Variants in CNTNAP2 observed in about 807,000 individuals in gnomAD.
CNTNAP2 encodes contactin associated protein 2.
A neutral mutation model predicts 155.2 loss-of-function variants in CNTNAP2; 98 were observed. The observed-to-expected ratio is 0.63, with a 90% CI of 0.54 to 0.75. The LOEUF (loss-of-function observed/expected upper bound fraction) is 0.75, where lower values mean the gene tolerates loss of function less well. CNTNAP2 is among the 30% of genes least tolerant of loss of function. The probability of loss-of-function intolerance (pLI) is 0.00; values close to 1 mark genes in which losing one functional copy is unlikely to be tolerated. For missense variants in CNTNAP2, 1,727 were observed against 1,688.1 expected (o/e 1.02, Z -0.40); for synonymous variants, 651 against 631.2 (o/e 1.03, Z -0.47).
chr7:148,220,382 G>A (rs1010638300), intron 19 of CNTNAP2, among the ~76,000 whole-genome samples: 1 of 152,196 alleles, frequency 6.6e-6, no homozygotes, highest in Non-Finnish European at 1.5e-5. Flanking sequence ...GATTACAGGC[G>A]TGAGCCATCG....
chr7:147,102,862 G>A (rs1168289554), intron 4 of CNTNAP2, among the ~76,000 whole-genome samples: 1 of 151,546 alleles, frequency 6.6e-6, no homozygotes, highest in Non-Finnish European at 1.5e-5. Context: ...GAGTCCACCA[G>A]AGTTGTGTCT....
chr7:147,329,059 T>C (rs943314473), intron 9 of CNTNAP2, among the ~76,000 whole-genome samples: 2 of 152,004 alleles, frequency 1.3e-5, no homozygotes, highest in African/African-American at 4.8e-5. Flanking sequence ...GAAACTGCAA[T>C]GAAAAATAAG....
chr7:146,339,961 G>T (rs2129096314), intron 1 of CNTNAP2, among the ~76,000 whole-genome samples: 1 of 152,124 alleles, frequency 6.6e-6, no homozygotes, highest in South Asian at 2.1e-4. Context: ...ACGAGGTCAG[G>T]AGATCGAAAC....
chr7:146,468,690 G>A (rs1796751858), intron 1 of CNTNAP2, among the ~76,000 whole-genome samples: 1 of 152,096 alleles, frequency 6.6e-6, no homozygotes, highest in African/African-American at 2.4e-5. Context: ...CTCTGCTTTG[G>A]AAGGTCGGTA....
chr7:147,627,214 G>A (rs1187223364), intron 12 of CNTNAP2, among the ~76,000 whole-genome samples: 1 of 152,098 alleles, frequency 6.6e-6, no homozygotes, highest in African/African-American at 2.4e-5. Context: ...CTACGCAAAC[G>A]AGAAGGAACC....
intron 9 of CNTNAP2, among the ~76,000 whole-genome samples, chr7:147,325,570 A>G (rs1297582704): frequency 6.6e-6 from 1 of 152,158 alleles, no homozygotes; most frequent in African/African-American, 2.4e-5. Flanking sequence ...CGTAACTCCT[A>G]TTATTGCTGT....
In CNTNAP2 at chr7:147,050,439, A is replaced by G. The variant is rs146377365; in HGVS notation, c.550+6385A>G. ...TACACACATCGAAACTAATTTTTAT[A>G]TAGGCTTTTAATTTGGATGAATAAA... On this transcript the variant is annotated intron_variant, in intron 4 of 23. Transcript: ENST00000361727. 8.9e-4 allele frequency among the ~76,000 whole-genome samples: 136 copies of G among 152,340 alleles called. 1 individual carries two copies. Among genetic ancestry groups the G allele is most frequent in the African/African-American group, 3.1e-3 (129 of 41,578 alleles).
chr7:148,022,637 TTTTTTG>T (rs1043732129), intron 15 of CNTNAP2, among the ~76,000 whole-genome samples: 2 of 152,042 alleles, frequency 1.3e-5, no homozygotes, highest in Non-Finnish European at 2.9e-5. Flanking sequence ...CGTGGCCTGT[TTTTTTG>T]TTTTTGTTTT....
chr7:146,182,137 A>C (rs1305470963), intron 1 of CNTNAP2, among the ~76,000 whole-genome samples: 3 of 152,146 alleles, frequency 2.0e-5, no homozygotes, highest in Non-Finnish European at 2.9e-5. Context: ...TTTAAATCTA[A>C]AATATTTAGT....
chr7:148,229,996 A>C (rs1436097683), intron 20 of CNTNAP2, among the ~76,000 whole-genome samples: 3 of 152,196 alleles, frequency 2.0e-5, no homozygotes, highest in Non-Finnish European at 4.4e-5. Context: ...GGGGAAATAG[A>C]ATAAATGTTT....
intron 12 of CNTNAP2, among the ~76,000 whole-genome samples, chr7:147,626,644 A>C (rs1794983503): frequency 6.6e-6 from 1 of 152,164 alleles, no homozygotes; most frequent in African/African-American, 2.4e-5. Flanking sequence ...GGGCAAGCTT[A>C]GATCCCTCCA....
chr7:147,732,618 T>C (rs1408721445), intron 13 of CNTNAP2, among the ~76,000 whole-genome samples: 1 of 151,772 alleles, frequency 6.6e-6, no homozygotes, highest in East Asian at 1.9e-4. Context: ...CCACACTGAC[T>C]TCCACAATGG....
rs561817884 is a variant in CNTNAP2 at position 146,319,926 on chromosome 7, A to T, written c.97+202953A>T. Among the ~76,000 whole-genome samples, 22 of 152,214 alleles carry T rather than the reference A, an allele frequency of 1.4e-4. No homozygotes were observed. In the East Asian group the frequency reaches 4.2e-3, roughly 29 times the overall value. Reference sequence around the variant, plus strand: ...AGGAAAAGGCGAGTTCATTCTTTTGATTTTACACAGTAAACATGCCAATTT... The same window carrying T: ...AGGAAAAGGCGAGTTCATTCTTTTGTTTTTACACAGTAAACATGCCAATTT... On this transcript the variant is annotated intron_variant, in intron 1 of 23. Transcript: ENST00000361727.
At chr7:148,172,164 A>G in intron 17 of CNTNAP2, 78 bp from the exon 18 acceptor site, 1 of 1,392,508 alleles carries the variant, frequency 7.2e-7, no homozygotes, top group Non-Finnish European at 1.0e-6. Flanking sequence ...ATCTCCTACC[A>G]CAGTTGTTCA....
intron 3 of CNTNAP2, among the ~76,000 whole-genome samples, chr7:146,885,092 T>G (rs752442337): frequency 4.7e-4 from 72 of 152,188 alleles, no homozygotes; most frequent in Admixed American, 2.2e-3. Flanking sequence ...AGATGAGTTA[T>G]GTTAACTACT....
intron 12 of CNTNAP2, among the ~76,000 whole-genome samples, chr7:147,617,636 G>A (rs1458239172): frequency 6.6e-6 from 1 of 152,048 alleles, no homozygotes; most frequent in African/African-American, 2.4e-5. Flanking sequence ...ACCCCACTGA[G>A]TCAAAGAGAT....
chr7:147,939,517 T>G (rs2116812184), intron 14 of CNTNAP2, among the ~76,000 whole-genome samples: 1 of 152,072 alleles, frequency 6.6e-6, no homozygotes, highest in East Asian at 1.9e-4. Flanking sequence ...TTAGTAGAGA[T>G]GGGGTTTCAC....
At chr7:148,225,431 C>T (rs1795827358) in intron 19 of CNTNAP2, among the ~76,000 whole-genome samples, 2 of 152,046 alleles carry the variant, frequency 1.3e-5, no homozygotes, top group South Asian at 2.1e-4. Flanking sequence ...ACTGCAAAGG[C>T]CCTTGGGTAG....
chr7:148,030,610 CTTTG>C (rs1802458622), intron 15 of CNTNAP2, among the ~76,000 whole-genome samples: 1 of 148,340 alleles, frequency 6.7e-6, no homozygotes. Context: ...GGGCCCATTC[CTTTG>C]TTTGTAGAGT....
Sources: allele counts gnomAD v4.1 joint callset (sites outside exome capture counted in the v4.1 genomes callset), GRCh38; gene constraint gnomAD v4.1.1; transcripts MANE v1.5; gene names NCBI Gene and HGNC (gene_info 2026-07-23, HGNC 2026-07-21).